The following SIM1 variants were observed in gnomAD, a reference collection of about 807,000 sequenced individuals.
The protein encoded by SIM1 is SIM bHLH transcription factor 1.
A neutral mutation model predicts 78.2 loss-of-function variants in SIM1; 18 were observed. The ratio of observed to expected loss-of-function variants is 0.23; its 90% CI spans 0.16 to 0.34. The LOEUF is 0.34. Among genes scored for constraint, SIM1 ranks in the 10% least tolerant of loss-of-function variants. The pLI is 1.00. For missense variants in SIM1, 939 were observed against 975.1 expected (o/e 0.96, Z 0.49); for synonymous variants, 417 against 385.2 (o/e 1.08, Z -0.97).
chr6:100,393,063 C>A (rs1770679292), intron 11 of SIM1, among the ~76,000 whole-genome samples: 1 of 152,128 alleles, frequency 6.6e-6, no homozygotes, highest in African/African-American at 2.4e-5. Flanking sequence ...GTCCATAAAA[C>A]AAAGACTGGC....
At chr6:100,433,677 G>A (rs993283182) in intron 9 of SIM1, among the ~76,000 whole-genome samples, 30 of 151,662 alleles carry the variant, frequency 2.0e-4, no homozygotes, top group African/African-American at 6.5e-4. Context: ...GTCGAGGTGC[G>A]GTGAACCATG....
chr6:100,402,138 T>G (rs1191370574), intron 10 of SIM1, among the ~76,000 whole-genome samples: 1 of 152,248 alleles, frequency 6.6e-6, no homozygotes, highest in East Asian at 1.9e-4. Context: ...GTATGTGTCA[T>G]GTAAAGGTCC....
intron 10 of SIM1, among the ~76,000 whole-genome samples, chr6:100,413,835 G>T (rs1261290182): frequency 6.6e-6 from 1 of 152,150 alleles, no homozygotes; most frequent in East Asian, 1.9e-4. Flanking sequence ...TAGATAAACT[G>T]CATTGGAAAC....
At chr6:100,433,783 T>A (rs1388718959) in intron 9 of SIM1, among the ~76,000 whole-genome samples, 1 of 133,854 alleles carries the variant, frequency 7.5e-6, no homozygotes, top group Non-Finnish European at 1.6e-5. Context: ...GTATATTTTT[T>A]ACATATACAT....
intron 10 of SIM1, among the ~76,000 whole-genome samples, chr6:100,412,599 G>GA (rs1272939572): frequency 4.6e-5 from 4 of 86,492 alleles, no homozygotes; most frequent in African/African-American, 1.7e-4. Context: ...AAGAAAGAAA[G>GA]AAAGAAAGAA....
chr6:100,428,693 G>A (rs541657603), intron 9 of SIM1, among the ~76,000 whole-genome samples: 1 of 151,776 alleles, frequency 6.6e-6, no homozygotes, highest in Admixed American at 6.6e-5. Flanking sequence ...TACATTCTAA[G>A]ACCCCTAGTG....
intron 9 of SIM1, among the ~76,000 whole-genome samples, chr6:100,421,840 C>T (rs1228911117): frequency 6.6e-6 from 1 of 152,094 alleles, no homozygotes; most frequent in Non-Finnish European, 1.5e-5. Flanking sequence ...CACTGGCAGC[C>T]AAAATAAAAT....
intron 8 of SIM1, among the ~76,000 whole-genome samples, 184 bp from the exon 9 acceptor site, chr6:100,447,599 G>GC (rs1444902099): frequency 6.6e-6 from 1 of 152,230 alleles, no homozygotes; most frequent in Non-Finnish European, 1.5e-5. Flanking sequence ...ATTGCATCGA[G>GC]CCCTCCGGTC....
chr6:100,435,443 T>C (rs1772018768), intron 9 of SIM1, among the ~76,000 whole-genome samples: 1 of 152,166 alleles, frequency 6.6e-6, no homozygotes, highest in Non-Finnish European at 1.5e-5. Flanking sequence ...ACTAGCTATG[T>C]TGTATTGGCT....
At chr6:100,452,095 G>A (rs1464216722) in intron 3 of SIM1, among the ~76,000 whole-genome samples, 1 of 152,138 alleles carries the variant, frequency 6.6e-6, no homozygotes, top group Non-Finnish European at 1.5e-5. Flanking sequence ...AAATCAAAAG[G>A]GAGCAGGCAG....
intron 11 of SIM1, 29 bp downstream of exon 11, chr6:100,393,458 A>G (rs1770690010): frequency 1.3e-6 from 2 of 1,492,772 alleles, no homozygotes; most frequent in African/African-American, 1.4e-5. Flanking sequence ...TAATGCTTGG[A>G]GTTCGGGAAC....
intron 9 of SIM1, among the ~76,000 whole-genome samples, chr6:100,422,030 T>TA (rs1221899044): frequency 1.2e-4 from 18 of 152,178 alleles, no homozygotes; most frequent in Admixed American, 1.2e-3. Context: ...GTCTGATTTA[T>TA]AATCACTTCT....
intron 10 of SIM1, among the ~76,000 whole-genome samples, chr6:100,397,586 G>A (rs542484254): frequency 2.4e-4 from 37 of 151,686 alleles, no homozygotes; most frequent in South Asian, 4.2e-4. Context: ...AAATAACATA[G>A]AAGAAAATCT....
rs1770610949 is a variant in SIM1, at chr6:100,390,560, G to C, written c.2102C>G (p.Ser701Cys). 2 of 1,614,034 alleles carry C rather than the reference G, an allele frequency of 1.2e-6. No individual in the cohort carries two copies. The highest frequency in any genetic ancestry group is 1.3e-5 in the African/African-American group (1 of 74,902). The change falls in exon 12 of 12, where the codon TCT becomes TGT. Residue 701 changes from serine to cysteine, a missense_variant. Physicochemically the swap from Ser to Cys is moderately radical, Grantham distance 112. Around this residue, in one of 5 missense-constraint regions of SIM1, gnomAD observed 556 missense variants for 521.9 expected, o/e 1.07. Transcript: ENST00000369208. The stretch of plus-strand genomic sequence containing the variant: ...ATGCTTGTCAAAATACTGCCGGTGA[G>C]AGCCAAAGCAGTTTGGAGAGACAGT... ...HPTVSPNCFG[S>C]HRQYFDKHAY...
At chr6:100,432,783 C>G (rs968426279) in intron 9 of SIM1, among the ~76,000 whole-genome samples, 1 of 152,140 alleles carries the variant, frequency 6.6e-6, no homozygotes, top group African/African-American at 2.4e-5. Context: ...TAGGCCAGTC[C>G]TCCCAACTCC....
chr6:100,406,633 C>T (rs537890902), intron 10 of SIM1, among the ~76,000 whole-genome samples: 125 of 152,246 alleles, frequency 8.2e-4, no homozygotes, highest in Non-Finnish European at 1.4e-3. Context: ...ATGAGGAAAA[C>T]TAAAATAATA....
chr6:100,458,006 T>TTCTCTCTCTCCCTC lies in SIM1; in HGVS notation c.176-4163_176-4162insGAGGGAGAGAGAGA, dbSNP rs1772719670. Among the ~76,000 whole-genome samples the TTCTCTCTCTCCCTC allele has an allele frequency of 3.1e-4, 28 of 90,302 alleles. 4 individuals carry two copies. Among genetic ancestry groups the TTCTCTCTCTCCCTC allele is most frequent in the South Asian group, 2.0e-3 (4 of 2,044 alleles). 59.2% of individuals were successfully genotyped at this position (90,302 alleles called of 152,430 possible). A position where few individuals can be genotyped will look rare whatever the true frequency, so the allele number is the denominator to read the frequency against. On this transcript the variant is annotated intron_variant, in intron 2 of 11. Transcript: ENST00000369208. ...GTCACACCGCTGTCTGTCTCTCTCT[T>TTCTCTCTCTCCCTC]TCTCTCTCTCTCTCTCTCTCTCTCT...
At chr6:100,431,704 C>T (rs1426927251) in intron 9 of SIM1, among the ~76,000 whole-genome samples, 1 of 152,130 alleles carries the variant, frequency 6.6e-6, no homozygotes, top group Non-Finnish European at 1.5e-5. Context: ...GAGCCCGTTA[C>T]CAAAGACAGA....
chr6:100,453,599 A>C (rs917022442), intron 3 of SIM1, among the ~76,000 whole-genome samples, 163 bp downstream of exon 3: 1 of 150,732 alleles, frequency 6.6e-6, no homozygotes, highest in African/African-American at 2.4e-5. Flanking sequence ...TGCAGCAGCT[A>C]TTGGGCTCTG....
Sources: allele counts gnomAD v4.1 joint callset (sites outside exome capture counted in the v4.1 genomes callset), GRCh38; gene constraint gnomAD v4.1.1; regional missense constraint gnomAD v4.1.1; transcripts MANE v1.5; gene names NCBI Gene and HGNC (gene_info 2026-07-23, HGNC 2026-07-21).